The following CNTNAP2 variants were observed in gnomAD, a reference collection of about 807,000 sequenced individuals.
The protein encoded by CNTNAP2 is contactin associated protein 2, also known as contactin-associated protein-like 2.
CNTNAP2 carries 98 observed loss-of-function variants against 155.2 expected under a neutral mutation model. The ratio of observed to expected loss-of-function variants is 0.63; its 90% CI spans 0.54 to 0.75. The LOEUF (loss-of-function observed/expected upper bound fraction) is 0.75, where lower values mean the gene tolerates loss of function less well. CNTNAP2 is among the 30% of genes least tolerant of loss of function. The pLI is 0.00. For missense variants in CNTNAP2, 1,727 were observed against 1,688.1 expected (o/e 1.02, Z -0.40); for synonymous variants, 651 against 631.2 (o/e 1.03, Z -0.47).
intron 1 of CNTNAP2, among the ~76,000 whole-genome samples, chr7:146,413,117 A>G (rs1041734473): frequency 1.3e-5 from 2 of 152,216 alleles, no homozygotes; most frequent in Non-Finnish European, 2.9e-5. Context: ...ATGCAGCCAC[A>G]TAATGGTAAA....
At chr7:148,221,414 C>A (rs1282890960) in intron 19 of CNTNAP2, among the ~76,000 whole-genome samples, 1 of 152,096 alleles carries the variant, frequency 6.6e-6, no homozygotes, top group African/African-American at 2.4e-5. Flanking sequence ...AGACCCAAAG[C>A]TCCCCACCGG....
intron 21 of CNTNAP2, among the ~76,000 whole-genome samples, chr7:148,332,483 T>A (rs10435204): frequency 8.6e-5 from 13 of 152,038 alleles, no homozygotes; most frequent in African/African-American, 2.9e-4. Flanking sequence ...AAAAATGAAT[T>A]GAGCCTCAGC....
chr7:146,137,275 G>A (rs941111622), intron 1 of CNTNAP2, among the ~76,000 whole-genome samples: 3 of 152,080 alleles, frequency 2.0e-5, no homozygotes, highest in Non-Finnish European at 4.4e-5. Context: ...TTTCAATGTC[G>A]AAGTTGTTCT....
At chr7:147,185,710 T>A (rs866322985) in intron 8 of CNTNAP2, among the ~76,000 whole-genome samples, 2 of 152,142 alleles carry the variant, frequency 1.3e-5, no homozygotes, top group East Asian at 1.9e-4. Context: ...CAAAACACTA[T>A]GCAATGATGT....
At chr7:146,202,175 G>T (rs550571480) in intron 1 of CNTNAP2, among the ~76,000 whole-genome samples, 5 of 152,240 alleles carry the variant, frequency 3.3e-5, no homozygotes, top group South Asian at 2.1e-4. Context: ...AGTTGCCACA[G>T]TTGAGTTGCC....
intron 1 of CNTNAP2, among the ~76,000 whole-genome samples, chr7:146,741,681 A>C (rs1206910542): frequency 2.0e-5 from 3 of 152,292 alleles, no homozygotes; most frequent in African/African-American, 7.2e-5. Flanking sequence ...ATGGGCATGG[A>C]GGGTGAGGAA....
At chr7:146,693,847 G>A (rs569178925) in intron 1 of CNTNAP2, among the ~76,000 whole-genome samples, 6 of 152,076 alleles carry the variant, frequency 3.9e-5, no homozygotes, top group Admixed American at 3.9e-4. Context: ...ATTAAGCATA[G>A]CATGCATTAG....
At chr7:147,048,405 G>A (rs74319246) in intron 4 of CNTNAP2, among the ~76,000 whole-genome samples, 10,225 of 152,138 alleles carry the variant, frequency 0.067, 432 homozygotes, top group Middle Eastern at 0.13. Context: ...CCAACACATC[G>A]ATTTCACTCA....
At chr7:147,187,974 C>T (rs1300103263) in intron 8 of CNTNAP2, among the ~76,000 whole-genome samples, 2 of 151,930 alleles carry the variant, frequency 1.3e-5, no homozygotes, top group Non-Finnish European at 2.9e-5. Flanking sequence ...AGTGGGAGGA[C>T]CATTTAAGCC....
chr7:147,339,863 G>T (rs1795730973), intron 9 of CNTNAP2, among the ~76,000 whole-genome samples: 2 of 152,134 alleles, frequency 1.3e-5, no homozygotes, highest in African/African-American at 4.8e-5. Flanking sequence ...ATTGGCCAAA[G>T]AGGTCATAGT....
At chr7:148,214,934 T>G (rs1795611498) in intron 18 of CNTNAP2, among the ~76,000 whole-genome samples, 1 of 152,214 alleles carries the variant, frequency 6.6e-6, no homozygotes, top group African/African-American at 2.4e-5. Context: ...TCCTTGCCCG[T>G]GCCCACTAAA....
At chr7:147,531,560 G>A (rs1399741969) in intron 11 of CNTNAP2, among the ~76,000 whole-genome samples, 1 of 152,196 alleles carries the variant, frequency 6.6e-6, no homozygotes, top group Non-Finnish European at 1.5e-5. Flanking sequence ...CATGGCTGGA[G>A]AGGCTGGTAC....
intron 21 of CNTNAP2, among the ~76,000 whole-genome samples, chr7:148,317,532 C>CAA (rs111713249): frequency 6.6e-6 from 1 of 151,636 alleles, no homozygotes; most frequent in African/African-American, 2.4e-5. Context: ...CTCCAGTCTC[C>CAA]AAAAAAATAT....
At chr7:146,135,379 A>G (rs1015509770) in intron 1 of CNTNAP2, among the ~76,000 whole-genome samples, 5 of 152,090 alleles carry the variant, frequency 3.3e-5, no homozygotes, top group African/African-American at 1.2e-4. Context: ...ATAATCTCTC[A>G]GAGTTTAAGT....
At chr7:146,451,175 T>C (rs1796475341) in intron 1 of CNTNAP2, among the ~76,000 whole-genome samples, 2 of 152,184 alleles carry the variant, frequency 1.3e-5, no homozygotes. Context: ...CTGGATCCCC[T>C]GACCTCGTGA....
chr7:146,706,327 CAGTT>C (rs747060452), intron 1 of CNTNAP2, among the ~76,000 whole-genome samples: 2 of 151,998 alleles, frequency 1.3e-5, no homozygotes, highest in Non-Finnish European at 2.9e-5. Context: ...CCCAATGAGA[CAGTT>C]AGGCATTAAG....
chr7:148,146,016 T>A (rs1354288494), intron 16 of CNTNAP2, among the ~76,000 whole-genome samples: 1 of 152,198 alleles, frequency 6.6e-6, no homozygotes, highest in African/African-American at 2.4e-5. Flanking sequence ...TTAATGCAGC[T>A]TTCCAAGGGG....
At chr7:147,930,707 T>G (rs756425338) in intron 14 of CNTNAP2, among the ~76,000 whole-genome samples, 1 of 152,150 alleles carries the variant, frequency 6.6e-6, no homozygotes, top group Non-Finnish European at 1.5e-5. Context: ...CTAACGGACA[T>G]ACACAGAACA....
At chr7:146,927,696 A>G (rs1796636040) in intron 3 of CNTNAP2, among the ~76,000 whole-genome samples, 2 of 152,062 alleles carry the variant, frequency 1.3e-5, no homozygotes, top group East Asian at 3.9e-4. Flanking sequence ...CTATGCTAAA[A>G]ACATCATTAC....
Sources: allele counts gnomAD v4.1 joint callset (sites outside exome capture counted in the v4.1 genomes callset), GRCh38; gene constraint gnomAD v4.1.1; transcripts MANE v1.5; gene names NCBI Gene and HGNC (gene_info 2026-07-23, HGNC 2026-07-21).